The following TSPAN2 variants were observed in gnomAD, a reference collection of about 807,000 sequenced individuals.
The protein encoded by TSPAN2 is tetraspanin-2.
Under a neutral mutation model 33.3 loss-of-function variants are expected in TSPAN2, and 24 were observed. The observed-to-expected ratio is 0.72, with a 90% confidence interval of 0.52 to 1.01. TSPAN2 has a LOEUF of 1.01. Ranked by LOEUF, TSPAN2 falls within the 50% of genes least tolerant of loss-of-function variation. TSPAN2 has a pLI of 0.00. For synonymous variants in TSPAN2, 114 were observed against 104.5 expected, an observed-to-expected ratio of 1.09 and a Z score of -0.56; for missense variants, 278 against 281.3, an observed-to-expected ratio of 0.99 and a Z score of 0.08.
chr1:115,089,478 G>GT lies in TSPAN2; in HGVS notation c.-47_-46insA. ...TCCCCAGTCCCCAGGCCCGCGCTACGAGCGCGGGGAGCGGCAGGCTCCGGC... is the reference window on the plus strand; with the variant it reads ...TCCCCAGTCCCCAGGCCCGCGCTACGTAGCGCGGGGAGCGGCAGGCTCCGGC... On this transcript the variant is annotated 5_prime_UTR_variant, in exon 1 of 8. Coordinates refer to ENST00000369516, the MANE Select transcript of TSPAN2 (RefSeq NM_005725.6). The GT allele has an allele frequency of 7.3e-7, 1 of 1,365,216 alleles. No homozygotes were observed. Among genetic ancestry groups the GT allele is most frequent in the Non-Finnish European group, 9.6e-7 (1 of 1,045,112 alleles). The allele number at this position is 1,365,216 out of a possible 1,614,324, so 84.6% of individuals were successfully genotyped here. A position where few individuals can be genotyped will look rare whatever the true frequency, so the allele number is the denominator to read the frequency against.
At chr1:115,086,429 G>A (rs543303464) in intron 1 of TSPAN2, among the ~76,000 whole-genome samples, 3 of 152,192 alleles carry the variant, frequency 2.0e-5, no homozygotes, top group Non-Finnish European at 2.9e-5. Context: ...TCACCCCCTC[G>A]CTTTGCCCAG....
intron 6 of TSPAN2, among the ~76,000 whole-genome samples, chr1:115,054,321 T>C (rs1647309155): frequency 6.6e-6 from 1 of 152,218 alleles, no homozygotes; most frequent in South Asian, 2.1e-4. Context: ...CCTATCACAC[T>C]TCATTCATTC....
rs970119558 is a variant in TSPAN2 at position 115,048,927 on chromosome 1, G to A, written c.*1563C>T. 1.3e-5 allele frequency: 2 copies of A among 152,128 alleles called. No individual in the cohort carries two copies. Among genetic ancestry groups the A allele is most frequent in the African/African-American group, 4.8e-5 (2 of 41,454 alleles). The allele number at this position is 152,128 out of a possible 1,614,324, so 9.4% of individuals were successfully genotyped here. On this transcript the variant is annotated 3_prime_UTR_variant, in exon 8 of 8. Transcript: ENST00000369516. ...GAAAGAGAAATGTGGTTCTCCATGG[G>A]AGAGAGACTATTTCAAGCAGTCATA...
At chr1:115,083,718 C>G (rs1034052248) in intron 1 of TSPAN2, among the ~76,000 whole-genome samples, 3 of 152,196 alleles carry the variant, frequency 2.0e-5, no homozygotes, top group Non-Finnish European at 4.4e-5. Flanking sequence ...TTTTCCTTGG[C>G]CTCCACTTAG....
At chr1:115,069,626 A>G (rs1272619654) in intron 2 of TSPAN2, among the ~76,000 whole-genome samples, 3 of 152,192 alleles carry the variant, frequency 2.0e-5, no homozygotes, top group African/African-American at 4.8e-5. Flanking sequence ...AGTCCCTGAG[A>G]CCAGTATTAA....
chr1:115,060,591 T>C, intron 3 of TSPAN2, 53 bp from the exon 4 acceptor site: 4 of 1,451,470 alleles, frequency 2.8e-6, no homozygotes, highest in Non-Finnish European at 3.8e-6. Flanking sequence ...TTTCAATTTA[T>C]ATATTTTGCA....
intron 1 of TSPAN2, among the ~76,000 whole-genome samples, chr1:115,086,318 A>G (rs1648834498): frequency 6.6e-6 from 1 of 152,206 alleles, no homozygotes; most frequent in African/African-American, 2.4e-5. Flanking sequence ...TTGTGCAGGC[A>G]CGCCCTGCTT....
At chr1:115,064,831 T>C (rs7528261) in intron 2 of TSPAN2, among the ~76,000 whole-genome samples, 143,475 of 152,250 alleles carry the variant, frequency 0.94, 67,683 homozygotes, top group East Asian at 1. Context: ...CTGGAATATG[T>C]GAAAGAGGGA....
At position 115,057,527 on chromosome 1, in the gene TSPAN2, A is replaced by T. The variant is rs1415049661; in HGVS notation, c.516+10T>A. 1 of 1,613,786 alleles carries T rather than the reference A, an allele frequency of 6.2e-7. No individual in the cohort carries two copies. ...CTACAGGTAGAGTAAGAACCTTGGT[A>T]GAAGCTTACCTTGTGTCCTAGAAGC... On this transcript the variant is annotated intron_variant, in intron 6 of 7. Transcript: ENST00000369516.
intron 2 of TSPAN2, among the ~76,000 whole-genome samples, chr1:115,065,214 C>T (rs1647904948): frequency 6.6e-6 from 1 of 152,148 alleles, no homozygotes; most frequent in Non-Finnish European, 1.5e-5. Flanking sequence ...CTGGGCGTGC[C>T]GGATCCAGTT....
chr1:115,073,755 C>T (rs1648286256), intron 1 of TSPAN2, among the ~76,000 whole-genome samples: 1 of 151,926 alleles, frequency 6.6e-6, no homozygotes, highest in Non-Finnish European at 1.5e-5. Context: ...CATGGAGAGG[C>T]TGAGTGGCTG....
intron 1 of TSPAN2, among the ~76,000 whole-genome samples, chr1:115,080,051 G>T (rs1382983600): frequency 6.6e-6 from 1 of 152,194 alleles, no homozygotes; most frequent in Non-Finnish European, 1.5e-5. Context: ...AACCAACATT[G>T]CTGGGGGCAG....
chr1:115,067,116 T>C (rs562319014), intron 2 of TSPAN2, among the ~76,000 whole-genome samples: 17 of 152,216 alleles, frequency 1.1e-4, no homozygotes, highest in Non-Finnish European at 2.2e-4. Flanking sequence ...TAAGATTGCA[T>C]AGCTTGTGAG....
At chr1:115,069,668 AG>A (rs1407654810) in intron 2 of TSPAN2, among the ~76,000 whole-genome samples, 1 of 152,220 alleles carries the variant, frequency 6.6e-6, no homozygotes, top group Non-Finnish European at 1.5e-5. Context: ...AAGTCAATAA[AG>A]GTCTGTGTTG....
intron 2 of TSPAN2, among the ~76,000 whole-genome samples, chr1:115,069,612 T>G (rs555350961): frequency 1.3e-5 from 2 of 152,346 alleles, no homozygotes; most frequent in East Asian, 3.9e-4. Flanking sequence ...GGTCACATCA[T>G]CTGAGTCCCT....
chr1:115,064,300 A>C (rs1420443834), intron 2 of TSPAN2, among the ~76,000 whole-genome samples: 1 of 152,108 alleles, frequency 6.6e-6, no homozygotes, highest in Non-Finnish European at 1.5e-5. Flanking sequence ...CAGCAACAAC[A>C]CCATATTCAG....
intron 2 of TSPAN2, 125 bp from the exon 3 acceptor site, chr1:115,062,357 G>A: frequency 1.4e-6 from 1 of 693,820 alleles, no homozygotes; most frequent in Non-Finnish European, 2.4e-6. Flanking sequence ...TATTCTTACT[G>A]CCATGTTTGA....
At chr1:115,085,950 C>T (rs1307489992) in intron 1 of TSPAN2, among the ~76,000 whole-genome samples, 1 of 152,140 alleles carries the variant, frequency 6.6e-6, no homozygotes, top group Non-Finnish European at 1.5e-5. Flanking sequence ...AAAATTCCTG[C>T]TCTCAGAGTG....
chr1:115,053,246 T>C, intron 7 of TSPAN2, 133 bp downstream of exon 7: 1 of 724,920 alleles, frequency 1.4e-6, no homozygotes, highest in Admixed American at 2.7e-5. Context: ...GAAGATGTAA[T>C]ACATTGTGAA....
Sources: allele counts gnomAD v4.1 joint callset (sites outside exome capture counted in the v4.1 genomes callset), GRCh38; gene constraint gnomAD v4.1.1; transcripts MANE v1.5; gene names NCBI Gene and HGNC (gene_info 2026-07-23, HGNC 2026-07-21).